SYNE1: variants seen among roughly 807,000 people sequenced by gnomAD.
The protein encoded by SYNE1 is nesprin-1.
A neutral mutation model predicts 1,111.0 loss-of-function variants in SYNE1; 616 were observed. The ratio of observed to expected loss-of-function variants is 0.55; its 90% CI spans 0.52 to 0.59. The LOEUF (loss-of-function observed/expected upper bound fraction) is 0.59. SYNE1 is among the 20% of genes least tolerant of loss of function. SYNE1 has a pLI of 0.00. For synonymous variants in SYNE1, 3,855 were observed against 3,825.8 expected (o/e 1.01, Z -0.28); for missense variants, 10,006 against 10,417.0 (o/e 0.96, Z 1.72).
At chr6:152,204,318 A>G (rs1206161433) in intron 126 of SYNE1, among the ~76,000 whole-genome samples, 1 of 151,348 alleles carries the variant, frequency 6.6e-6, no homozygotes, top group Admixed American at 6.6e-5. Context: ...ATTAGCCAAG[A>G]CTGCACCACA....
At chr6:152,413,220 A>T (rs759823291) in intron 42 of SYNE1, 132 bp downstream of exon 42, 1 of 1,064,016 alleles carries the variant, frequency 9.4e-7, no homozygotes, top group Non-Finnish European at 1.4e-6. Flanking sequence ...CAATGTTATG[A>T]AAGTGACACA....
chr6:152,132,395 T>C (rs2055985736), intron 143 of SYNE1, among the ~76,000 whole-genome samples, 181 bp from the exon 144 acceptor site: 1 of 152,164 alleles, frequency 6.6e-6, no homozygotes, highest in African/African-American at 2.4e-5. Context: ...ATTCTTCTAG[T>C]GTGTTGGGAT....
At chr6:152,359,735 C>T (rs2096899847) in intron 64 of SYNE1, among the ~76,000 whole-genome samples, 2 of 151,952 alleles carry the variant, frequency 1.3e-5, no homozygotes, top group Non-Finnish European at 2.9e-5. Flanking sequence ...ACATTTCAAA[C>T]TGATTATGTC....
At chr6:152,430,827 G>T in intron 34 of SYNE1, 118 bp from the exon 35 acceptor site, 2 of 994,176 alleles carry the variant, frequency 2.0e-6, no homozygotes, top group Non-Finnish European at 3.1e-6. Context: ...GACTTGGATG[G>T]TTAGAGCGCA....
chr6:152,255,015 T>G lies in SYNE1; in HGVS notation c.19335A>C (p.Pro6445=), dbSNP rs749079132. 9 of 1,613,516 alleles carry G rather than the reference T, an allele frequency of 5.6e-6. No individual in the cohort carries two copies. The highest frequency in any genetic ancestry group is 1.3e-5 in the African/African-American group (1 of 75,066). Residue 6445 remains proline (P), a synonymous_variant, in exon 104 of 146, where the codon CCA becomes CCC. Coordinates refer to ENST00000367255, the MANE Select transcript of SYNE1 (RefSeq NM_182961.4). ...TAACATCTCGATTATCACCATTCTC[T>G]GGAAAAGCTTGGGAAAACAAGTTTT... ...KNKNLFSQAF[P]ENGDNRDVIE... is the part of the protein sequence containing the mutation.
intron 104 of SYNE1, among the ~76,000 whole-genome samples, chr6:152,249,591 A>C (rs1433649408): frequency 6.6e-6 from 1 of 152,206 alleles, no homozygotes; most frequent in Non-Finnish European, 1.5e-5. Flanking sequence ...ATATTATATT[A>C]GTGGCTCTTA....
chr6:152,464,153 C>T (rs759527484), intron 18 of SYNE1, among the ~76,000 whole-genome samples: 34 of 152,244 alleles, frequency 2.2e-4, no homozygotes, highest in Admixed American at 1.3e-4. Flanking sequence ...GCACTTAGTA[C>T]AATAACACAC....
chr6:152,548,959 A>C (rs2099327754), intron 3 of SYNE1, among the ~76,000 whole-genome samples: 1 of 152,214 alleles, frequency 6.6e-6, no homozygotes, highest in African/African-American at 2.4e-5. Context: ...TCCATCCTAA[A>C]ACCACTGTGC....
chr6:152,359,547 T>G, intron 64 of SYNE1, 89 bp from the exon 65 acceptor site: 1 of 1,538,468 alleles, frequency 6.5e-7, no homozygotes, highest in Middle Eastern at 1.7e-4. Flanking sequence ...AATTGTACAG[T>G]TGACAAGTGA....
In SYNE1 at chr6:152,407,177, T is replaced by C. The variant is rs886061211; in HGVS notation, c.6560A>G (p.Glu2187Gly). ...GCTTACTCTCAGCCTATCCATGTTTTCTTCAAGTTTCTCTGATACCTAGGA... is the reference window on the plus strand; with the variant it reads ...GCTTACTCTCAGCCTATCCATGTTTCCTTCAAGTTTCTCTGATACCTAGGA... ...KWLDVSEKLE[E>G]NMDRLRVSLS... Residue 2187 changes from glutamate to glycine, a missense_variant, in exon 45 of 146, where the codon GAA (glutamate) becomes GGA (glycine). Around this residue, in one of 7 missense-constraint regions of SYNE1, gnomAD observed 4,955 missense variants for 5,017.2 expected, o/e 0.99. Transcript: ENST00000367255. 9 of 1,614,050 alleles carry C rather than the reference T, an allele frequency of 5.6e-6. No individual in the cohort carries two copies. Among genetic ancestry groups the C allele is most frequent in the Non-Finnish European group, 7.6e-6 (9 of 1,179,966 alleles).
At chr6:152,515,767 G>A (rs187870882) in intron 6 of SYNE1, among the ~76,000 whole-genome samples, 1 of 152,290 alleles carries the variant, frequency 6.6e-6, no homozygotes, top group Admixed American at 6.5e-5. Context: ...TGATCTGCCT[G>A]ACACCTCATT....
chr6:152,345,419 G>A (rs911930261), intron 73 of SYNE1, among the ~76,000 whole-genome samples: 2 of 151,912 alleles, frequency 1.3e-5, no homozygotes, highest in Non-Finnish European at 2.9e-5. Flanking sequence ...TTAGATTCTT[G>A]TAGTCCTCTT....
chr6:152,466,115 T>C, intron 16 of SYNE1, 37 bp from the exon 17 acceptor site: 1 of 1,344,602 alleles, frequency 7.4e-7, no homozygotes, highest in Non-Finnish European at 1.1e-6. Context: ...TAGCAAACAT[T>C]AGGCTCATGT....
Position 152,316,780 on chromosome 6 carries a change from G to T in SYNE1, c.16710+69C>A, listed in dbSNP as rs1367323977. The T allele has an allele frequency of 1.9e-6, 3 of 1,581,146 alleles. No individual in the cohort carries two copies. The Admixed American group carries it at 5.1e-5, about 27-fold the overall frequency. On this transcript the variant is annotated intron_variant, in intron 87 of 145. Transcript: ENST00000367255. ...TTTACATCACAGCCCTCTAAGTGTTGTGTCAGTCTACCCAGTTAAATCAAA... is the reference window on the plus strand; with the variant it reads ...TTTACATCACAGCCCTCTAAGTGTTTTGTCAGTCTACCCAGTTAAATCAAA...
chr6:152,556,632 C>T (rs573834696), intron 3 of SYNE1, among the ~76,000 whole-genome samples: 1 of 152,314 alleles, frequency 6.6e-6, no homozygotes, highest in African/African-American at 2.4e-5. Context: ...ATAGTCCCAG[C>T]TTTACTCCCA....
At chr6:152,253,834 T>TTTTTTTTTTTTTTTTTTG (rs2090106186) in intron 104 of SYNE1, among the ~76,000 whole-genome samples, 1 of 66,852 alleles carries the variant, frequency 1.5e-5, no homozygotes, top group African/African-American at 1.0e-4. Flanking sequence ...TTTTTTTTTT[T>TTTTTTTTTTTTTTTTTTG]TTTTTTTTTT....
intron 3 of SYNE1, among the ~76,000 whole-genome samples, chr6:152,610,832 C>T (rs2099629220): frequency 6.6e-6 from 1 of 152,052 alleles, no homozygotes; most frequent in Non-Finnish European, 1.5e-5. Flanking sequence ...AGAGTGGGGG[C>T]CAATATTCAA....
intron 4 of SYNE1, among the ~76,000 whole-genome samples, chr6:152,539,169 C>T (rs1477851345): frequency 6.6e-6 from 1 of 151,438 alleles, no homozygotes; most frequent in East Asian, 1.9e-4. Flanking sequence ...TTCATTTAAC[C>T]AATTATTGAC....
intron 131 of SYNE1, among the ~76,000 whole-genome samples, chr6:152,162,593 C>A (rs2062754070): frequency 6.6e-6 from 1 of 152,152 alleles, no homozygotes. Context: ...ACCAGGATCC[C>A]TACAATTCAA....
Sources: allele counts gnomAD v4.1 joint callset (sites outside exome capture counted in the v4.1 genomes callset), GRCh38; gene constraint gnomAD v4.1.1; regional missense constraint gnomAD v4.1.1; transcripts MANE v1.5; gene names NCBI Gene and HGNC (gene_info 2026-07-23, HGNC 2026-07-21).